Variants in SYCP1 observed in about 807,000 individuals in gnomAD.
SYCP1 encodes synaptonemal complex protein 1, also known as cancer/testis antigen 8.
In SYCP1, 64 loss-of-function variants were observed where a neutral mutation model predicts 153.1. The observed-to-expected ratio is 0.42, with a 90% confidence interval of 0.34 to 0.51. SYCP1 has a LOEUF of 0.51. Ranked by LOEUF, SYCP1 falls within the 20% of genes least tolerant of loss-of-function variation. SYCP1 has a pLI of 0.06. For synonymous variants in SYCP1, 384 were observed against 341.8 expected, an observed-to-expected ratio of 1.12 and a Z score of -1.36; for missense variants, 997 against 1,049.0, an observed-to-expected ratio of 0.95 and a Z score of 0.68.
intron 12 of SYCP1, among the ~76,000 whole-genome samples, chr1:114,882,987 C>G (rs749420947): frequency 1.3e-5 from 2 of 152,324 alleles, no homozygotes; most frequent in East Asian, 3.9e-4. Flanking sequence ...CTTAAATTCT[C>G]TATCCCATCA....
chr1:114,879,643 T>A (rs567771485), intron 12 of SYCP1, among the ~76,000 whole-genome samples: 7 of 152,326 alleles, frequency 4.6e-5, no homozygotes, highest in Non-Finnish European at 7.3e-5. Flanking sequence ...GTTCAATAGT[T>A]GGATGAATGA....
chr1:114,946,925 T>C (rs1292531579), intron 26 of SYCP1, among the ~76,000 whole-genome samples: 1 of 152,086 alleles, frequency 6.6e-6, no homozygotes, highest in African/African-American at 2.4e-5. Context: ...TTAATATTTT[T>C]AGTAGAGACG....
chr1:114,910,518 ATT>A lies in SYCP1; in HGVS notation c.1425+21_1425+22del. ...GCCAGAGAGGTTTGTTTAAGGAAAC[ATT>A]TTTATTTTAAATATTTTGTTAATAG... is the stretch of plus-strand genomic sequence containing the variant. On this transcript the variant is annotated intron_variant, in intron 17 of 31. Coordinates refer to ENST00000369522, the MANE Select transcript of SYCP1 (RefSeq NM_003176.4). 6.9e-7 allele frequency: 1 copy of A among 1,442,630 alleles called. No homozygotes were observed. 89.4% of individuals were successfully genotyped at this position (1,442,630 alleles called of 1,614,324 possible). A position where few individuals can be genotyped will look rare whatever the true frequency, so the allele number is the denominator to read the frequency against.
At chr1:114,884,135 A>G (rs1666141890) in intron 12 of SYCP1, among the ~76,000 whole-genome samples, 1 of 152,228 alleles carries the variant, frequency 6.6e-6, no homozygotes, top group African/African-American at 2.4e-5. Context: ...CATGGTCTTC[A>G]TGAATTATGA....
chr1:114,866,902 CTTTT>C (rs36051645), intron 8 of SYCP1, among the ~76,000 whole-genome samples: 2 of 139,688 alleles, frequency 1.4e-5, no homozygotes. Context: ...TGTCCAGATT[CTTTT>C]TTTTTTTTTG....
At chr1:114,911,403 A>T in intron 17 of SYCP1, 76 bp from the exon 18 acceptor site, 2 of 1,185,156 alleles carry the variant, frequency 1.7e-6, no homozygotes, top group Middle Eastern at 2.0e-4. Context: ...ATATGACTTA[A>T]TTACACAGTG....
intron 20 of SYCP1, among the ~76,000 whole-genome samples, chr1:114,920,628 T>C (rs1668803981): frequency 6.6e-6 from 1 of 152,158 alleles, no homozygotes; most frequent in Non-Finnish European, 1.5e-5. Context: ...TTAGCTCTAA[T>C]AATATTTGTT....
At chr1:114,936,848 G>C (rs1449959263) in intron 23 of SYCP1, among the ~76,000 whole-genome samples, 1 of 152,072 alleles carries the variant, frequency 6.6e-6, no homozygotes, top group Admixed American at 6.6e-5. Context: ...GGGATGCGAA[G>C]GACCTCTTCA....
intron 8 of SYCP1, among the ~76,000 whole-genome samples, chr1:114,865,590 G>C (rs1037356095): frequency 1.3e-5 from 2 of 152,136 alleles, no homozygotes; most frequent in Non-Finnish European, 2.9e-5. Context: ...GTTTTATGCA[G>C]AGTCCAGTTT....
intron 14 of SYCP1, among the ~76,000 whole-genome samples, chr1:114,887,338 C>T (rs893454834): frequency 8.6e-5 from 13 of 151,828 alleles, no homozygotes; most frequent in African/African-American, 2.4e-4. Flanking sequence ...TTCTAGGATG[C>T]GTTAATCTGA....
In SYCP1 at chr1:114,994,886, C is replaced by G. The variant is rs1438992314; in HGVS notation, c.2798C>G (p.Pro933Arg). The G allele has an allele frequency of 2.1e-6, 3 of 1,460,106 alleles. No homozygotes were observed. The highest frequency in any genetic ancestry group is 2.1e-5 in the Admixed American group (1 of 47,150). 90.4% of individuals were successfully genotyped at this position (1,460,106 alleles called of 1,614,324 possible). ...HLCVKTPKKA[P>R]SSLTTPGSTL... ...TAAATTTTATTTTGTACTCAGGCCC[C>G]TTCATCTCTAACAACCCCTGGATCT... The change falls in exon 32 of 32, where the codon CCT becomes CGT. Residue 933 changes from proline to arginine, a missense_variant. Pro to Arg is a moderately radical substitution (Grantham distance 103). Coordinates refer to ENST00000369522, the MANE Select transcript of SYCP1 (RefSeq NM_003176.4).
intron 27 of SYCP1, among the ~76,000 whole-genome samples, chr1:114,951,357 C>T (rs1466638870): frequency 6.6e-6 from 1 of 151,830 alleles, no homozygotes; most frequent in Non-Finnish European, 1.5e-5. Flanking sequence ...GAAAAAAATG[C>T]CATATTAGCT....
chr1:114,930,321 G>A (rs895857669), intron 23 of SYCP1, among the ~76,000 whole-genome samples: 6 of 151,772 alleles, frequency 4.0e-5, no homozygotes, highest in African/African-American at 1.5e-4. Context: ...GAAATAATTA[G>A]AATAAGACAT....
chr1:114,913,866 A>G, intron 19 of SYCP1, 109 bp from the exon 20 acceptor site: 1 of 797,006 alleles, frequency 1.3e-6, no homozygotes, highest in Non-Finnish European at 1.9e-6. Context: ...TTTTTGCTTT[A>G]TATATAACTA....
At chr1:114,945,645 A>G (rs747148192) in intron 25 of SYCP1, among the ~76,000 whole-genome samples, 8 of 152,128 alleles carry the variant, frequency 5.3e-5, no homozygotes, top group Non-Finnish European at 1.2e-4. Flanking sequence ...GTCCTTATTG[A>G]TAACTCACAT....
At chr1:114,886,739 T>C (rs1227051569) in intron 14 of SYCP1, among the ~76,000 whole-genome samples, 1 of 152,044 alleles carries the variant, frequency 6.6e-6, no homozygotes, top group Non-Finnish European at 1.5e-5. Context: ...CTACTCTATG[T>C]TTATTAAATT....
intron 28 of SYCP1, among the ~76,000 whole-genome samples, chr1:114,979,784 T>C (rs2101942858): frequency 6.6e-6 from 1 of 151,940 alleles, no homozygotes; most frequent in South Asian, 2.1e-4. Context: ...AGCCTCTTGA[T>C]TTATAGATGA....
At chr1:114,870,093 A>G (rs1028414572) in intron 8 of SYCP1, among the ~76,000 whole-genome samples, 6 of 152,166 alleles carry the variant, frequency 3.9e-5, no homozygotes, top group Non-Finnish European at 8.8e-5. Context: ...AGTTCACTGC[A>G]GCCTTGAAAT....
intron 12 of SYCP1, among the ~76,000 whole-genome samples, chr1:114,878,648 A>G (rs922588155): frequency 4.6e-5 from 7 of 152,280 alleles, no homozygotes; most frequent in Admixed American, 1.3e-4. Context: ...AGTTCAAGCG[A>G]TTCTCCTGCC....
Sources: allele counts gnomAD v4.1 joint callset (sites outside exome capture counted in the v4.1 genomes callset), GRCh38; gene constraint gnomAD v4.1.1; transcripts MANE v1.5; gene names NCBI Gene and HGNC (gene_info 2026-07-23, HGNC 2026-07-21).